The following COL23A1 variants were observed in gnomAD, a reference collection of about 807,000 sequenced individuals.
COL23A1 encodes the protein collagen alpha-1(XXIII) chain.
A neutral mutation model predicts 99.3 loss-of-function variants in COL23A1; 97 were observed. That is an observed-to-expected ratio of 0.98 (90% CI 0.83 to 1.16). The LOEUF (loss-of-function observed/expected upper bound fraction) is 1.16. Ranked by LOEUF, COL23A1 falls within the 50% of genes most tolerant of loss-of-function variation. COL23A1 has a pLI of 0.00. For synonymous variants in COL23A1, 320 were observed against 308.2 expected, an observed-to-expected ratio of 1.04 and a Z score of -0.40; for missense variants, 762 against 757.4, an observed-to-expected ratio of 1.01 and a Z score of -0.07.
intron 2 of COL23A1, among the ~76,000 whole-genome samples, chr5:178,396,929 G>A (rs1581303342): frequency 6.6e-6 from 1 of 152,248 alleles, no homozygotes; most frequent in Admixed American, 6.5e-5. Flanking sequence ...GAGCATCTGG[G>A]GCTTCCCTGG....
At chr5:178,488,964 C>T (rs901796353) in intron 2 of COL23A1, among the ~76,000 whole-genome samples, 1 of 152,252 alleles carries the variant, frequency 6.6e-6, no homozygotes, top group Non-Finnish European at 1.5e-5. Context: ...CTGCACTTCC[C>T]TGCAGAGACC....
chr5:178,423,477 C>G (rs1455341803), intron 2 of COL23A1, among the ~76,000 whole-genome samples: 1 of 152,142 alleles, frequency 6.6e-6, no homozygotes, highest in Non-Finnish European at 1.5e-5. Context: ...ACGCTTTGTG[C>G]CAGATGAATT....
In COL23A1 at chr5:178,412,893, T is replaced by C. The variant is rs528575351; in HGVS notation, c.362-105974A>G. ...CTAAGTAATATAGAGCCTGAGACAC[T>C]GTACATCATCTGGAAATGTTGTTTC... On this transcript the variant is annotated intron_variant, in intron 2 of 28. Coordinates refer to ENST00000390654, the MANE Select transcript of COL23A1 (RefSeq NM_173465.4). Among the ~76,000 whole-genome samples the C allele has an allele frequency of 3.3e-5, 5 of 152,314 alleles. No homozygotes were observed. The South Asian group carries it at 1.0e-3, about 32-fold the overall frequency.
chr5:178,252,496 C>A, intron 17 of COL23A1, 48 bp downstream of exon 17: 2 of 1,551,054 alleles, frequency 1.3e-6, no homozygotes, highest in Non-Finnish European at 1.8e-6. Context: ...GGGAGGTGGG[C>A]CCTGGAGACA....
In COL23A1 at chr5:178,523,267, GA is replaced by G. The variant is rs1276431409; in HGVS notation, c.361+37414del. Among the ~76,000 whole-genome samples the G allele has an allele frequency of 2.8e-3, 404 of 145,214 alleles. 3 individuals are homozygous for G. The highest frequency in any genetic ancestry group is 4.1e-3 in the Non-Finnish European group (273 of 66,246). ...AGAGAGAGAGAGAGACAGAGAGAGA[GA>G]GAGAGAGAGAGCGCTAGGTGTGGTG... On this transcript the variant is annotated intron_variant, in intron 2 of 28. Coordinates refer to ENST00000390654, the MANE Select transcript of COL23A1 (RefSeq NM_173465.4).
At chr5:178,249,831 T>C (rs549803641) in intron 18 of COL23A1, among the ~76,000 whole-genome samples, 1 of 151,534 alleles carries the variant, frequency 6.6e-6, no homozygotes, top group African/African-American at 2.4e-5. Flanking sequence ...GTGTTCTCCA[T>C]ACACAGAGTT....
At chr5:178,243,488 CAA>C (rs1199927228) in intron 25 of COL23A1, among the ~76,000 whole-genome samples, 46 of 86,696 alleles carry the variant, frequency 5.3e-4, no homozygotes, top group Non-Finnish European at 5.2e-4. Context: ...ACTCCATCTC[CAA>C]AAAAAAAAAA....
chr5:178,424,385 G>C (rs1212991341), intron 2 of COL23A1, among the ~76,000 whole-genome samples: 1 of 152,244 alleles, frequency 6.6e-6, no homozygotes, highest in Non-Finnish European at 1.5e-5. Flanking sequence ...ACTGTGCTCT[G>C]CGGGACGCAC....
chr5:178,334,866 G>T (rs933671303), intron 2 of COL23A1, among the ~76,000 whole-genome samples: 7 of 152,226 alleles, frequency 4.6e-5, no homozygotes, highest in African/African-American at 1.7e-4. Flanking sequence ...GGCTTTCTTA[G>T]TGTCACACAC....
intron 1 of COL23A1, among the ~76,000 whole-genome samples, chr5:178,584,749 G>A (rs1763835523): frequency 6.6e-6 from 1 of 152,160 alleles, no homozygotes; most frequent in Non-Finnish European, 1.5e-5. Flanking sequence ...GATAGTAGGG[G>A]GTAACAGAGC....
chr5:178,518,355 T>C (rs1759685782), intron 2 of COL23A1, among the ~76,000 whole-genome samples: 3 of 150,794 alleles, frequency 2.0e-5, no homozygotes, highest in Admixed American at 1.3e-4. Context: ...CTTTCCCGCC[T>C]TTCTATTCCA....
At chr5:178,329,255 C>T (rs1482864771) in intron 2 of COL23A1, among the ~76,000 whole-genome samples, 1 of 152,246 alleles carries the variant, frequency 6.6e-6, no homozygotes, top group Non-Finnish European at 1.5e-5. Flanking sequence ...GATGACCCAG[C>T]CAACATGGAA....
chr5:178,249,233 G>C (rs1319899473), intron 18 of COL23A1, 27 bp from the exon 19 acceptor site: 1 of 1,607,724 alleles, frequency 6.2e-7, no homozygotes, highest in Non-Finnish European at 8.5e-7. Flanking sequence ...CAAGGGATGA[G>C]TGGGGCTCAG....
At position 178,321,480 on chromosome 5, in the gene COL23A1, C is replaced by CTTTTTTTT. The variant is rs570803192; in HGVS notation, c.362-14569_362-14562dup. 4.6e-5 allele frequency among the ~76,000 whole-genome samples: 5 copies of CTTTTTTTT among 109,040 alleles called. 1 individual carries two copies. Among genetic ancestry groups the CTTTTTTTT allele is most frequent in the African/African-American group, 2.0e-4 (5 of 24,974 alleles). The allele number at this position is 109,040 out of a possible 152,430, so 71.5% of individuals were successfully genotyped here. A position where few individuals can be genotyped will look rare whatever the true frequency, so the allele number is the denominator to read the frequency against. ...ACCTGTGATGACGAGGTCACCTTCC[C>CTTTTTTTT]TTTTTTTTTTTTTTTTTTTTTTTTT... On this transcript the variant is annotated intron_variant, in intron 2 of 28. Coordinates refer to ENST00000390654, the MANE Select transcript of COL23A1 (RefSeq NM_173465.4).
At chr5:178,512,173 T>C (rs1759241799) in intron 2 of COL23A1, among the ~76,000 whole-genome samples, 1 of 152,200 alleles carries the variant, frequency 6.6e-6, no homozygotes, top group Non-Finnish European at 1.5e-5. Context: ...AGCGTCCACC[T>C]GTAGAAGACT....
chr5:178,425,845 T>C lies in COL23A1; in HGVS notation c.362-118926A>G, dbSNP rs766230904. Among the ~76,000 whole-genome samples, 7 of 152,352 alleles carry C rather than the reference T, an allele frequency of 4.6e-5. 1 individual carries two copies. Among genetic ancestry groups the C allele is most frequent in the Admixed American group, 3.9e-4 (6 of 15,302 alleles). On this transcript the variant is annotated intron_variant, in intron 2 of 28. Coordinates refer to ENST00000390654, the MANE Select transcript of COL23A1 (RefSeq NM_173465.4). ...TAACCAGGAGAGCCTGATGAATTTG[T>C]GTCTTGAGAGTGCCGTGGCAGAGGC...
chr5:178,518,160 C>G (rs999300322), intron 2 of COL23A1, among the ~76,000 whole-genome samples: 2 of 139,234 alleles, frequency 1.4e-5, no homozygotes, highest in African/African-American at 5.6e-5. Flanking sequence ...CGCCCTTAAT[C>G]CATTTAACCC....
chr5:178,242,824 A>G (rs1764480274), intron 25 of COL23A1, among the ~76,000 whole-genome samples: 1 of 152,190 alleles, frequency 6.6e-6, no homozygotes, highest in South Asian at 2.1e-4. Flanking sequence ...CCATTCATCT[A>G]TCTGTCCGTC....
At chr5:178,302,267 G>A (rs1175345864) in intron 3 of COL23A1, among the ~76,000 whole-genome samples, 18 of 132,870 alleles carry the variant, frequency 1.4e-4, no homozygotes, top group African/African-American at 4.5e-4. Context: ...GCCGGAGCAC[G>A]GCTTCAATCC....
Sources: gnomAD v4.1 joint callset for allele counts (sites outside exome capture counted in the v4.1 genomes callset) on GRCh38, gnomAD v4.1.1 for gene constraint, MANE v1.5 for transcripts, NCBI Gene and HGNC (gene_info 2026-07-23, HGNC 2026-07-21) for gene names.